Variants in CABIN1 observed in about 807,000 individuals in gnomAD.
CABIN1 encodes the protein calcineurin-binding protein cabin-1.
In CABIN1, 133 loss-of-function variants were observed where a neutral mutation model predicts 227.7. The ratio of observed to expected loss-of-function variants is 0.58; its 90% CI spans 0.51 to 0.67. The LOEUF is 0.67. Ranked by LOEUF, CABIN1 falls within the 30% of genes least tolerant of loss-of-function variation. CABIN1 has a pLI of 0.00. For synonymous variants in CABIN1, 1,086 were observed against 1,155.1 expected (o/e 0.94, Z 1.21); for missense variants, 2,408 against 2,852.5 (o/e 0.84, Z 3.55).
intron 28 of CABIN1, among the ~76,000 whole-genome samples, chr22:24,128,955 A>G (rs1474013755): frequency 6.6e-6 from 1 of 152,198 alleles, no homozygotes; most frequent in Non-Finnish European, 1.5e-5. Flanking sequence ...GAGGTAGTTA[A>G]GTGGTGAGTG....
At position 24,015,068 on chromosome 22, in the gene CABIN1, A is replaced by T. The variant is rs5760178; in HGVS notation, c.-75+3701A>T. Reference sequence around the variant, plus strand: ...TGCCTGAGGTCAGGATTTCAAGACTAGCCTGGCCAACATGGTGAAACCCCG... The same window carrying T: ...TGCCTGAGGTCAGGATTTCAAGACTTGCCTGGCCAACATGGTGAAACCCCG... On this transcript the variant is annotated intron_variant, in intron 1 of 36. Coordinates refer to ENST00000263119, the MANE Select transcript of CABIN1 (RefSeq NM_012295.4). Among the ~76,000 whole-genome samples, 22 of 152,106 alleles carry T rather than the reference A, an allele frequency of 1.4e-4. No individual in the cohort carries two copies. The East Asian group carries it at 3.9e-3, about 27-fold the overall frequency.
At chr22:24,031,573 A>G (rs1227978984) in intron 1 of CABIN1, among the ~76,000 whole-genome samples, 1 of 152,154 alleles carries the variant, frequency 6.6e-6, no homozygotes, top group African/African-American at 2.4e-5. Flanking sequence ...AAATCGACCA[A>G]TGGGTAGTTC....
At chr22:24,103,920 G>A (rs1481567307) in intron 26 of CABIN1, among the ~76,000 whole-genome samples, 2 of 152,080 alleles carry the variant, frequency 1.3e-5, no homozygotes, top group East Asian at 1.9e-4. Flanking sequence ...GCTGGCAGAC[G>A]GGAGCAAGTT....
rs745779760 is a variant in CABIN1, at chr22:24,168,370, C to T, written c.5683-77C>T. On this transcript the variant is annotated intron_variant, in intron 32 of 36. Transcript: ENST00000263119. ...TGCCCCCTACCTAGGCTGGTCTGTG[C>T]TACATACACAGACAGGGCTGGGGGA... 33 of 1,394,598 alleles carry T rather than the reference C, an allele frequency of 2.4e-5. No homozygotes were observed. The South Asian group carries it at 4.0e-4, about 17-fold the overall frequency. 86.4% of individuals were successfully genotyped at this position (1,394,598 alleles called of 1,614,324 possible).
chr22:24,028,336 G>A (rs987583080), intron 1 of CABIN1, among the ~76,000 whole-genome samples: 8 of 152,122 alleles, frequency 5.3e-5, no homozygotes, highest in African/African-American at 1.4e-4. Flanking sequence ...TCAAAAAAAC[G>A]GGGACTGTTA....
At chr22:24,069,299 G>A (rs1164204357) in intron 16 of CABIN1, among the ~76,000 whole-genome samples, 1 of 152,056 alleles carries the variant, frequency 6.6e-6, no homozygotes, top group East Asian at 1.9e-4. Context: ...AAACCCTATT[G>A]ATTTTTTTGT....
chr22:24,095,477 G>A, intron 24 of CABIN1, among the ~76,000 whole-genome samples: 1 of 143,696 alleles, frequency 7.0e-6, no homozygotes, highest in East Asian at 2.1e-4. Context: ...GTGGGTGCCT[G>A]GCTTTGCCTG....
intron 30 of CABIN1, 93 bp downstream of exon 30, chr22:24,164,656 G>A (rs935589714): frequency 7.1e-7 from 1 of 1,402,592 alleles, no homozygotes; most frequent in Middle Eastern, 2.4e-4. Flanking sequence ...TGGCCCAGCT[G>A]TGAGGACCAC....
intron 26 of CABIN1, among the ~76,000 whole-genome samples, chr22:24,111,252 A>G (rs748293277): frequency 1.7e-4 from 26 of 152,246 alleles, no homozygotes; most frequent in Non-Finnish European, 5.9e-5. Context: ...CACTTGCGTT[A>G]GCCTACAGTT....
At position 24,166,846 on chromosome 22, in the gene CABIN1, G is replaced by A. The variant is rs781069688; in HGVS notation, c.5215G>A (p.Asp1739Asn). 15 of 1,612,962 alleles carry A rather than the reference G, an allele frequency of 9.3e-6. No homozygotes were observed. Among genetic ancestry groups the A allele is most frequent in the Non-Finnish European group, 1.3e-5 (15 of 1,179,928 alleles). ...NHRPVAMDAG[D>N]SADQSGERKD... Reference sequence around the variant, plus strand: ...CCGGCCTGTGGCCATGGATGCAGGAGACAGTGCAGACCAAAGCGGGGAGCG... The same window carrying A: ...CCGGCCTGTGGCCATGGATGCAGGAAACAGTGCAGACCAAAGCGGGGAGCG... Residue 1739 changes from aspartate (D) to asparagine (N), a missense_variant, in exon 32 of 37, where the codon GAC (aspartate) becomes AAC (asparagine). Asp to Asn is a conservative substitution (Grantham distance 23, BLOSUM62 1). Transcript: ENST00000263119.
chr22:24,114,573 T>G (rs2042982283), intron 27 of CABIN1, among the ~76,000 whole-genome samples: 1 of 152,240 alleles, frequency 6.6e-6, no homozygotes, highest in African/African-American at 2.4e-5. Flanking sequence ...GGTCTGGAAT[T>G]TGCCCTGTCA....
chr22:24,140,803 G>A (rs114048186), intron 29 of CABIN1, among the ~76,000 whole-genome samples: 2,360 of 152,318 alleles, frequency 0.015, 52 homozygotes, highest in African/African-American at 0.054. Flanking sequence ...TGGCCTGAGT[G>A]TGAGTGGAAG....
chr22:24,036,001 G>T, intron 2 of CABIN1, 88 bp from the exon 3 acceptor site: 3 of 887,074 alleles, frequency 3.4e-6, no homozygotes, highest in Non-Finnish European at 5.8e-6. Context: ...TCATATGCTG[G>T]AGCAGAATTG....
At chr22:24,042,863 TG>T in intron 5 of CABIN1, 40 bp from the exon 6 acceptor site, 2 of 1,233,924 alleles carry the variant, frequency 1.6e-6, no homozygotes, top group Non-Finnish European at 2.4e-6. Context: ...TGTGTGTGTG[TG>T]TGTGTGTGTG....
At chr22:24,069,114 A>G (rs2039903354) in intron 16 of CABIN1, among the ~76,000 whole-genome samples, 1 of 152,226 alleles carries the variant, frequency 6.6e-6, no homozygotes, top group Non-Finnish European at 1.5e-5. Context: ...CTGTGGGTGT[A>G]TAGTGGCGCT....
intron 3 of CABIN1, 64 bp from the exon 4 acceptor site, chr22:24,038,272 CGCCTTACACACA>C: frequency 8.7e-7 from 1 of 1,154,574 alleles, no homozygotes; most frequent in Non-Finnish European, 1.3e-6. Context: ...ACTGTAGCCC[CGCCTTACACACA>C]TTTTTGGCTT....
At chr22:24,050,013 C>T (rs1397349411) in intron 7 of CABIN1, among the ~76,000 whole-genome samples, 1 of 152,210 alleles carries the variant, frequency 6.6e-6, no homozygotes, top group Non-Finnish European at 1.5e-5. Context: ...GGTCACCTCT[C>T]TGTTGCTTTC....
rs2037360847 is a variant in CABIN1 at position 24,041,371 on chromosome 22, G to T, written c.345+98G>T. 4 of 1,479,660 alleles carry T rather than the reference G, an allele frequency of 2.7e-6. No individual in the cohort carries two copies. The South Asian group carries it at 4.6e-5, about 17-fold the overall frequency. 91.7% of individuals were successfully genotyped at this position (1,479,660 alleles called of 1,614,324 possible). On this transcript the variant is annotated intron_variant, in intron 5 of 36. Coordinates refer to ENST00000263119, the MANE Select transcript of CABIN1 (RefSeq NM_012295.4). ...TGTGGGCCAAAAAGAAGAGTTTGTA[G>T]TGGTGGATCACCAAGCTATAGTACC...
chr22:24,170,754 C>T (rs1007743275), intron 33 of CABIN1, among the ~76,000 whole-genome samples: 2 of 140,236 alleles, frequency 1.4e-5, no homozygotes, highest in African/African-American at 5.8e-5. Flanking sequence ...AGCAAACTGC[C>T]CCCCCCCCCG....
Sources: allele counts gnomAD v4.1 joint callset (sites outside exome capture counted in the v4.1 genomes callset), GRCh38; gene constraint gnomAD v4.1.1; transcripts MANE v1.5; gene names NCBI Gene and HGNC (gene_info 2026-07-23, HGNC 2026-07-21).